Variants in PTPRE observed in about 807,000 individuals in gnomAD.
The protein encoded by PTPRE is protein tyrosine phosphatase receptor type E.
A neutral mutation model predicts 102.0 loss-of-function variants in PTPRE; 51 were observed. That is an observed-to-expected ratio of 0.50 (90% CI 0.40 to 0.63). The LOEUF (loss-of-function observed/expected upper bound fraction) is 0.63, where lower values mean the gene tolerates loss of function less well. Among genes scored for constraint, PTPRE ranks in the 30% least tolerant of loss-of-function variants. The probability of loss-of-function intolerance (pLI) is 0.00; values close to 1 mark genes in which losing one functional copy is unlikely to be tolerated. For missense variants in PTPRE, 752 were observed against 915.1 expected (o/e 0.82, Z 2.30); for synonymous variants, 345 against 348.2 (o/e 0.99, Z 0.10).
intron 2 of PTPRE, among the ~76,000 whole-genome samples, chr10:128,035,380 C>T (rs1847129055): frequency 6.6e-6 from 1 of 152,122 alleles, no homozygotes; most frequent in Non-Finnish European, 1.5e-5. Context: ...AGCCTCCCAG[C>T]TTAATAAAAT....
chr10:128,015,911 A>G (rs997347421), intron 2 of PTPRE, among the ~76,000 whole-genome samples: 8 of 152,214 alleles, frequency 5.3e-5, no homozygotes, highest in African/African-American at 1.9e-4. Context: ...TGCGGTGCCC[A>G]TGAGAAAGCG....
chr10:127,959,819 C>G (rs11018421), intron 1 of PTPRE, among the ~76,000 whole-genome samples: 4,285 of 152,210 alleles, frequency 0.028, 225 homozygotes, highest in African/African-American at 0.097. Context: ...ATATGACCCA[C>G]CTTGCAGGCT....
intron 1 of PTPRE, among the ~76,000 whole-genome samples, chr10:127,978,692 G>T (rs1851379816): frequency 6.6e-6 from 1 of 152,162 alleles, no homozygotes; most frequent in Non-Finnish European, 1.5e-5. Context: ...TGCTGGTCCA[G>T]AGCCTCACCA....
chr10:128,000,452 A>G (rs1344431718), intron 2 of PTPRE, among the ~76,000 whole-genome samples: 1 of 152,214 alleles, frequency 6.6e-6, no homozygotes, highest in Non-Finnish European at 1.5e-5. Context: ...GATTTTCTCT[A>G]GCTGCGTTTC....
intron 2 of PTPRE, among the ~76,000 whole-genome samples, chr10:128,012,870 T>C (rs1474250290): frequency 6.6e-6 from 1 of 152,198 alleles, no homozygotes; most frequent in Admixed American, 6.5e-5. Flanking sequence ...ATCTGGTTAA[T>C]TAAACAAGGC....
At chr10:128,051,276 G>A (rs1295515292) in intron 6 of PTPRE, among the ~76,000 whole-genome samples, 1 of 152,120 alleles carries the variant, frequency 6.6e-6, no homozygotes, top group African/African-American at 2.4e-5. Flanking sequence ...AATAGGGTGG[G>A]GCAGGTGAGA....
At chr10:128,053,776 T>A (rs1280726408) in intron 6 of PTPRE, among the ~76,000 whole-genome samples, 4 of 152,130 alleles carry the variant, frequency 2.6e-5, no homozygotes, top group East Asian at 1.9e-4. Context: ...TTATTTATTT[T>A]TTGAGAGAGA....
intron 2 of PTPRE, among the ~76,000 whole-genome samples, chr10:127,990,237 C>T (rs1405852903): frequency 2.6e-5 from 4 of 151,370 alleles, no homozygotes; most frequent in Non-Finnish European, 5.9e-5. Context: ...TATGGTAAAA[C>T]CTCATCTCCA....
intron 2 of PTPRE, among the ~76,000 whole-genome samples, chr10:128,039,782 G>T (rs1418839912): frequency 6.6e-6 from 1 of 151,588 alleles, no homozygotes; most frequent in Admixed American, 6.6e-5. Context: ...GGTTCAGGGG[G>T]TGGGGAGTGG....
chr10:128,017,525 C>G (rs1244385762), intron 2 of PTPRE, among the ~76,000 whole-genome samples: 1 of 152,044 alleles, frequency 6.6e-6, no homozygotes, highest in African/African-American at 2.4e-5. Context: ...CATATGCCCT[C>G]CCCACACAGG....
chr10:127,930,309 A>G (rs1413827635), intron 1 of PTPRE, among the ~76,000 whole-genome samples: 1 of 152,028 alleles, frequency 6.6e-6, no homozygotes, highest in Non-Finnish European at 1.5e-5. Context: ...CTACCCTGGT[A>G]TCCACTGATC....
chr10:127,998,357 C>G (rs911639768), intron 2 of PTPRE: 1 of 152,210 alleles, frequency 6.6e-6, no homozygotes, highest in African/African-American at 2.4e-5. Flanking sequence ...GGCTGCTATT[C>G]CAGTCGCTGT....
At chr10:127,975,713 C>A (rs561373869) in intron 1 of PTPRE, among the ~76,000 whole-genome samples, 3 of 152,226 alleles carry the variant, frequency 2.0e-5, no homozygotes, top group Non-Finnish European at 4.4e-5. Flanking sequence ...AGAAAAACAT[C>A]TTTAGCGTGT....
chr10:128,076,177 A>G (rs769438499), intron 17 of PTPRE, among the ~76,000 whole-genome samples: 7 of 152,092 alleles, frequency 4.6e-5, no homozygotes, highest in Non-Finnish European at 1.0e-4. Flanking sequence ...TTTACCTTAA[A>G]CCTTACTCCA....
rs1293348009 is a variant in PTPRE at position 128,070,117 on chromosome 10, TCTC to T, written c.1144-181_1144-179del. On this transcript the variant is annotated intron_variant, in intron 13 of 20. Coordinates refer to ENST00000254667, the MANE Select transcript of PTPRE (RefSeq NM_006504.6). This position sits in a 1 kb window ranked among gnomAD's most constrained non-coding sequence, Gnocchi z 4.8. The stretch of plus-strand genomic sequence containing the variant: ...CAATGTGAGGCTCTGCTGCTACCGT[TCTC>T]CTTACTCAAGGGCATAAATGGTCGT... 3 of 736,946 alleles carry T rather than the reference TCTC, an allele frequency of 4.1e-6. No homozygotes were observed. The highest frequency in any genetic ancestry group is 2.7e-5 in the East Asian group (1 of 36,854). The allele number at this position is 736,946 out of a possible 1,614,324, so 45.7% of individuals were successfully genotyped here. A position where few individuals can be genotyped will look rare whatever the true frequency, so the allele number is the denominator to read the frequency against.
Position 128,028,308 on chromosome 10 carries a change from A to G in PTPRE, c.-7-12567A>G, listed in dbSNP as rs1846435137. 6.6e-6 allele frequency among the ~76,000 whole-genome samples: 1 copy of G among 151,526 alleles called. No individual in the cohort carries two copies. Among genetic ancestry groups the G allele is most frequent in the African/African-American group, 2.4e-5 (1 of 41,178 alleles). On this transcript the variant is annotated intron_variant, in intron 2 of 20. Transcript: ENST00000254667. The surrounding 1 kb of genome is among the most constrained non-coding windows in gnomAD (Gnocchi z 4.5). ...CCTTTCTGCGACCTCAGGTGGCCTCACTCCTGGCAGGCAGAAGGGACTCGG... is the reference window on the plus strand; with the variant it reads ...CCTTTCTGCGACCTCAGGTGGCCTCGCTCCTGGCAGGCAGAAGGGACTCGG...
intron 1 of PTPRE, among the ~76,000 whole-genome samples, chr10:127,908,440 G>A (rs1173744145): frequency 2.0e-5 from 3 of 151,568 alleles, no homozygotes; most frequent in Non-Finnish European, 2.9e-5. Context: ...GTGTATGTGG[G>A]TGGGGAGGGG....
At chr10:127,938,168 G>A (rs1847965851) in intron 1 of PTPRE, among the ~76,000 whole-genome samples, 1 of 152,156 alleles carries the variant, frequency 6.6e-6, no homozygotes, top group Admixed American at 6.5e-5. Flanking sequence ...TCTTTCCTGT[G>A]AAGGGAGTTG....
At chr10:128,058,034 G>C (rs1308988933) in intron 7 of PTPRE, among the ~76,000 whole-genome samples, 1 of 152,238 alleles carries the variant, frequency 6.6e-6, no homozygotes, top group Non-Finnish European at 1.5e-5. Flanking sequence ...TATGTGTTAA[G>C]AAACCGCTCA....
Sources: gnomAD v4.1 joint callset for allele counts (sites outside exome capture counted in the v4.1 genomes callset) on GRCh38, gnomAD v4.1.1 for gene constraint, Gnocchi (gnomAD v3.1) non-coding constraint, MANE v1.5 for transcripts, NCBI Gene and HGNC (gene_info 2026-07-23, HGNC 2026-07-21) for gene names.